The following CCDC150 variants were observed in gnomAD, a reference collection of about 807,000 sequenced individuals.
The protein encoded by CCDC150 is coiled-coil domain containing 150, also known as coiled-coil domain-containing protein 150.
CCDC150 carries 151 observed loss-of-function variants against 156.5 expected under a neutral mutation model. That is an observed-to-expected ratio of 0.97 (90% confidence interval 0.85 to 1.10). CCDC150 has a LOEUF of 1.10. Among genes scored for constraint, CCDC150 ranks in the 50% least tolerant of loss-of-function variants. The pLI is 0.00. For missense variants in CCDC150, 1,312 were observed against 1,268.1 expected (o/e 1.03, Z -0.53); for synonymous variants, 452 against 429.4 (o/e 1.05, Z -0.65).
chr2:196,677,586 C>T (rs1050158234), intron 13 of CCDC150, among the ~76,000 whole-genome samples: 1 of 152,208 alleles, frequency 6.6e-6, no homozygotes, highest in Non-Finnish European at 1.5e-5. Flanking sequence ...TGAGTCATCA[C>T]TGCCTCTGGC....
At chr2:196,706,759 C>T (rs1696675153) in intron 15 of CCDC150, among the ~76,000 whole-genome samples, 1 of 152,162 alleles carries the variant, frequency 6.6e-6, no homozygotes, top group Non-Finnish European at 1.5e-5. Context: ...TTTTCTGCAT[C>T]TATTGAGATA....
chr2:196,676,353 A>G, intron 11 of CCDC150, 86 bp downstream of exon 11: 1 of 1,508,802 alleles, frequency 6.6e-7, no homozygotes, highest in African/African-American at 1.4e-5. Flanking sequence ...TCTTATCGTC[A>G]ATGAAAACAT....
At chr2:196,654,954 G>T (rs1432449357) in intron 2 of CCDC150, among the ~76,000 whole-genome samples, 1 of 152,066 alleles carries the variant, frequency 6.6e-6, no homozygotes, top group Non-Finnish European at 1.5e-5. Flanking sequence ...GTTTTTGGTG[G>T]CCCCAGAAGG....
At chr2:196,670,956 A>T (rs955815231) in intron 8 of CCDC150, among the ~76,000 whole-genome samples, 13 of 152,146 alleles carry the variant, frequency 8.5e-5, no homozygotes, top group Non-Finnish European at 1.5e-4. Flanking sequence ...AGCCTTCCTC[A>T]TTAGCCGTTT....
intron 2 of CCDC150, 106 bp downstream of exon 2, chr2:196,646,610 A>T (rs1259086232): frequency 2.4e-6 from 2 of 822,296 alleles, no homozygotes; most frequent in Admixed American, 4.9e-5. Flanking sequence ...AAGAACTGAG[A>T]AATAATTTTC....
At chr2:196,643,219 G>A (rs1273442056) in intron 1 of CCDC150, among the ~76,000 whole-genome samples, 2 of 152,166 alleles carry the variant, frequency 1.3e-5, no homozygotes, top group Non-Finnish European at 2.9e-5. Context: ...ATCAGTGTCC[G>A]AGTCACCTCA....
chr2:196,684,036 A>T (rs1694991334), intron 13 of CCDC150, among the ~76,000 whole-genome samples: 1 of 151,754 alleles, frequency 6.6e-6, no homozygotes, highest in Admixed American at 6.6e-5. Context: ...CTTGGGGTTT[A>T]ATTTGCTTTT....
At chr2:196,674,139 T>TA in intron 9 of CCDC150, 102 bp from the exon 10 acceptor site, 1 of 709,040 alleles carries the variant, frequency 1.4e-6, no homozygotes. Context: ...ATTAGTTTCA[T>TA]ATATACAGTG....
At chr2:196,645,838 A>G (rs971436045) in intron 1 of CCDC150, among the ~76,000 whole-genome samples, 3 of 152,216 alleles carry the variant, frequency 2.0e-5, no homozygotes, top group African/African-American at 7.2e-5. Context: ...AGGTCCAAGT[A>G]TAGAATGTTT....
Position 196,701,169 on chromosome 2 carries a change from G to A in CCDC150, c.1684G>A (p.Gly562Arg), listed in dbSNP as rs200176761. 3.8e-5 allele frequency: 60 copies of A among 1,597,784 alleles called. No homozygotes were observed. The highest frequency in any genetic ancestry group is 5.0e-5 in the Non-Finnish European group (59 of 1,171,224). Residue 562 changes from glycine to arginine, a missense_variant, in exon 15 of 28, where the codon GGA (glycine) becomes AGA (arginine). Transcript: ENST00000389175. ...ESKNKLAYEN[G>R]KLQIKVKQLE... Reference sequence around the variant, plus strand: ...TAAAAATAAACTGGCCTATGAAAACGGAAAACTCCAGGTATGAGATTTATT... The same window carrying A: ...TAAAAATAAACTGGCCTATGAAAACAGAAAACTCCAGGTATGAGATTTATT...
At chr2:196,730,615 C>A (rs1039404333) in intron 25 of CCDC150, among the ~76,000 whole-genome samples, 1 of 152,178 alleles carries the variant, frequency 6.6e-6, no homozygotes. Flanking sequence ...AGATATTAAT[C>A]ACTGTCCTCA....
rs370767119 is a variant in CCDC150, at chr2:196,639,723, G to A, written c.-44G>A. 2 of 1,516,082 alleles carry A rather than the reference G, an allele frequency of 1.3e-6. No homozygotes were observed. Among genetic ancestry groups the A allele is most frequent in the Middle Eastern group, 1.8e-4 (1 of 5,546 alleles). The allele number at this position is 1,516,082 out of a possible 1,614,324, so 93.9% of individuals were successfully genotyped here. On this transcript the variant is annotated 5_prime_UTR_variant, in exon 1 of 28. Transcript: ENST00000389175. ...GTTTAAAATGCTGTGTTAGTTCCAC[G>A]GAAACCCGCTCGCCTGCTGCAGTAC...
intron 21 of CCDC150, among the ~76,000 whole-genome samples, chr2:196,723,875 TAAA>T (rs1463387802): frequency 4.6e-5 from 7 of 152,170 alleles, no homozygotes; most frequent in Admixed American, 3.9e-4. Context: ...ATGGTGAAGA[TAAA>T]GAAGATCAGA....
intron 23 of CCDC150, 92 bp downstream of exon 23, chr2:196,729,479 G>A (rs2577580): frequency 8.3e-7 from 1 of 1,207,592 alleles, no homozygotes; most frequent in Non-Finnish European, 1.2e-6. Context: ...TAGAACCCTA[G>A]CAGCCCCATG....
rs142900103 is a variant in CCDC150 at position 196,702,343 on chromosome 2, C to CTCTGTGTG, written c.1695+1164_1695+1165insCTGTGTGT. On this transcript the variant is annotated intron_variant, in intron 15 of 27. Transcript: ENST00000389175. Reference sequence around the variant, plus strand: ...AGGGGATAGTTCCTTGACTGAAGTGCTGTGTGTGTGTGTGTGTGTGTGTGT... The same window carrying CTCTGTGTG: ...AGGGGATAGTTCCTTGACTGAAGTGCTCTGTGTGTGTGTGTGTGTGTGTGTGTGTGTGT... Among the ~76,000 whole-genome samples the CTCTGTGTG allele has an allele frequency of 2.8e-5, 4 of 143,682 alleles. No individual in the cohort carries two copies. The Admixed American group carries it at 2.8e-4, about 10-fold the overall frequency. The allele number at this position is 143,682 out of a possible 152,430, so 94.3% of individuals were successfully genotyped here.
intron 15 of CCDC150, among the ~76,000 whole-genome samples, chr2:196,709,572 G>T (rs755148124): frequency 1.3e-4 from 20 of 152,094 alleles, no homozygotes; most frequent in Non-Finnish European, 1.9e-4. Context: ...TGATCCTTTG[G>T]GGGAGAAGAG....
rs551972516 is a variant in CCDC150, at chr2:196,725,448, G to A, written c.2430-525G>A. 1.3e-4 allele frequency among the ~76,000 whole-genome samples: 20 copies of A among 152,282 alleles called. 1 individual carries two copies. In the South Asian group the frequency reaches 3.9e-3, roughly 30 times the overall value. On this transcript the variant is annotated intron_variant, in intron 21 of 27. Transcript: ENST00000389175. ...ATTAATCATGGGTCTTGAACAAGGAGTTCAAGTTAGGAATGCTGATCTAAT... is the reference window on the plus strand; with the variant it reads ...ATTAATCATGGGTCTTGAACAAGGAATTCAAGTTAGGAATGCTGATCTAAT...
At chr2:196,643,033 T>C (rs1692329708) in intron 1 of CCDC150, among the ~76,000 whole-genome samples, 1 of 152,272 alleles carries the variant, frequency 6.6e-6, no homozygotes, top group African/African-American at 2.4e-5. Context: ...CATGAGCCAC[T>C]GTGCCTGGCC....
intron 2 of CCDC150, 71 bp from the exon 3 acceptor site, chr2:196,656,562 G>T: frequency 9.7e-7 from 1 of 1,026,364 alleles, no homozygotes; most frequent in South Asian, 1.5e-5. Flanking sequence ...ATGTTACATT[G>T]ACTCAGTTTT....
Sources: gnomAD v4.1 joint callset for allele counts (sites outside exome capture counted in the v4.1 genomes callset) on GRCh38, gnomAD v4.1.1 for gene constraint, MANE v1.5 for transcripts, NCBI Gene and HGNC (gene_info 2026-07-23, HGNC 2026-07-21) for gene names.